Variants in BOC observed in about 807,000 individuals in gnomAD.
BOC encodes the protein brother of CDO.
BOC carries 76 observed loss-of-function variants against 112.0 expected under a neutral mutation model. The observed-to-expected ratio is 0.68, with a 90% CI of 0.56 to 0.82. The LOEUF (loss-of-function observed/expected upper bound fraction) is 0.82. Among genes scored for constraint, BOC ranks in the 40% least tolerant of loss-of-function variants. The pLI, the probability that BOC is intolerant of heterozygous loss-of-function variation, is 0.00. For synonymous variants in BOC, 580 were observed against 599.8 expected, an observed-to-expected ratio of 0.97 and a Z score of 0.48; for missense variants, 1,309 against 1,511.7, an observed-to-expected ratio of 0.87 and a Z score of 2.22.
At chr3:113,220,863 A>C (rs1045465607) in intron 2 of BOC, among the ~76,000 whole-genome samples, 5 of 152,284 alleles carry the variant, frequency 3.3e-5, no homozygotes, top group Admixed American at 3.3e-4. Flanking sequence ...TTTTTGAGAG[A>C]GGAAGGAACA....
chr3:113,256,199 C>T (rs1452968236), intron 4 of BOC, among the ~76,000 whole-genome samples: 2 of 152,210 alleles, frequency 1.3e-5, no homozygotes, highest in Non-Finnish European at 2.9e-5. Context: ...CCCTGTACTG[C>T]CCAGTTCCAT....
At chr3:113,215,098 G>A (rs541285157) in intron 1 of BOC, among the ~76,000 whole-genome samples, 1 of 152,298 alleles carries the variant, frequency 6.6e-6, no homozygotes, top group South Asian at 2.1e-4. Context: ...CTACTTTGCT[G>A]TTGGTTGGAA....
In BOC at chr3:113,284,393, T is replaced by C. The variant is rs564623717; in HGVS notation, c.2715T>C (p.Thr905=). The C allele has an allele frequency of 1.9e-6, 3 of 1,614,244 alleles. No homozygotes were observed. The highest frequency in any genetic ancestry group is 1.7e-5 in the Admixed American group (1 of 60,032). The change falls in exon 17 of 20, where the codon ACT becomes ACC. Residue 905 remains threonine (T), a synonymous_variant. Coordinates refer to ENST00000682979, the MANE Select transcript of BOC (RefSeq NM_001378074.1). ...CCCTTCCACCCTCCTGCCCGTATAC[T>C]ATGGTGCCATTGGGAGGACTCCCAG... The part of the protein sequence containing the change: ...RSALPPSCPY[T]MVPLGGLPGH...
chr3:113,269,729 C>T, intron 5 of BOC: 1 of 152,174 alleles, frequency 6.6e-6, no homozygotes, highest in East Asian at 1.9e-4. Flanking sequence ...GCATTAATCC[C>T]TGCTGTCCCC....
chr3:113,241,492 A>T (rs1421970237), intron 2 of BOC, among the ~76,000 whole-genome samples: 1 of 151,856 alleles, frequency 6.6e-6, no homozygotes, highest in Non-Finnish European at 1.5e-5. Flanking sequence ...CAGTCCTCAC[A>T]CCTAACCCCA....
At chr3:113,263,664 T>G (rs774901162) in intron 4 of BOC, among the ~76,000 whole-genome samples, 3 of 152,230 alleles carry the variant, frequency 2.0e-5, no homozygotes, top group Non-Finnish European at 2.9e-5. Flanking sequence ...AATTAATATT[T>G]GACAATTTGT....
intron 4 of BOC, among the ~76,000 whole-genome samples, chr3:113,261,004 C>T (rs1243901576): frequency 3.3e-5 from 5 of 152,136 alleles, no homozygotes; most frequent in Admixed American, 3.3e-4. Flanking sequence ...CTCACATATA[C>T]CTCAAGGGGC....
intron 2 of BOC, among the ~76,000 whole-genome samples, chr3:113,236,038 A>G (rs1488846500): frequency 6.6e-6 from 1 of 151,806 alleles, no homozygotes; most frequent in Non-Finnish European, 1.5e-5. Context: ...GAAGTATCAT[A>G]TGATCCAGCA....
chr3:113,280,844 A>T (rs1949125462), intron 14 of BOC, among the ~76,000 whole-genome samples, 181 bp downstream of exon 14: 1 of 152,138 alleles, frequency 6.6e-6, no homozygotes, highest in South Asian at 2.1e-4. Flanking sequence ...TCATGAACCC[A>T]TGTGATGATG....
chr3:113,251,205 C>G (rs2107412658), intron 4 of BOC: 6 of 457,050 alleles, frequency 1.3e-5, no homozygotes, highest in Non-Finnish European at 1.9e-5. Context: ...CACACACCTT[C>G]CAGTCCCCTC....
In BOC at chr3:113,250,846, C is replaced by T. The variant is rs1468337053; in HGVS notation, c.376+13C>T. The T allele has an allele frequency of 6.2e-7, 1 of 1,612,400 alleles. No homozygotes were observed. The highest frequency in any genetic ancestry group is 8.5e-7 in the Non-Finnish European group (1 of 1,179,998). ...GTGACACTAGCCAGTGAGTCTGCTC[C>T]TTTGCCTCCCTGCCATGGTGCGGTC... On this transcript the variant is annotated intron_variant, in intron 4 of 19. Coordinates refer to ENST00000682979, the MANE Select transcript of BOC (RefSeq NM_001378074.1).
At chr3:113,270,591 T>C in intron 5 of BOC, 1 of 545,646 alleles carries the variant, frequency 1.8e-6, no homozygotes, top group Non-Finnish European at 3.1e-6. Context: ...GTTAGTTACC[T>C]TTTCTCTCTG....
At chr3:113,280,143 G>A (rs1559884672) in intron 13 of BOC, 138 bp downstream of exon 13, 18 of 915,540 alleles carry the variant, frequency 2.0e-5, no homozygotes, top group Middle Eastern at 3.4e-4. Flanking sequence ...CTTAGTGGCT[G>A]GAGCTGCTCT....
intron 4 of BOC, among the ~76,000 whole-genome samples, chr3:113,264,299 G>A (rs551020703): frequency 6.6e-6 from 1 of 152,322 alleles, no homozygotes; most frequent in East Asian, 1.9e-4. Flanking sequence ...AGAAGGGTGC[G>A]AGGGGAGGGA....
chr3:113,269,024 G>A (rs1383218779), intron 5 of BOC, among the ~76,000 whole-genome samples: 1 of 152,196 alleles, frequency 6.6e-6, no homozygotes, highest in Non-Finnish European at 1.5e-5. Flanking sequence ...CTGAGATGCT[G>A]CTGTTCCATC....
intron 6 of BOC, 77 bp downstream of exon 6, chr3:113,271,021 T>C (rs769267966): frequency 6.3e-7 from 1 of 1,591,716 alleles, no homozygotes; most frequent in African/African-American, 1.3e-5. Context: ...GGGAGGTAGA[T>C]ACCTGGAGGT....
chr3:113,261,518 A>G (rs1946876005), intron 4 of BOC, among the ~76,000 whole-genome samples: 1 of 152,194 alleles, frequency 6.6e-6, no homozygotes, highest in Non-Finnish European at 1.5e-5. Flanking sequence ...GATGGTCTAC[A>G]GACCAGACAT....
intron 2 of BOC, among the ~76,000 whole-genome samples, chr3:113,234,359 A>G (rs1384603822): frequency 2.0e-5 from 3 of 152,120 alleles, no homozygotes; most frequent in Non-Finnish European, 1.5e-5. Context: ...GTGTGTGTGT[A>G]TGTGTGCACA....
At chr3:113,267,804 T>G (rs1947657078) in intron 4 of BOC, among the ~76,000 whole-genome samples, 1 of 152,222 alleles carries the variant, frequency 6.6e-6, no homozygotes, top group African/African-American at 2.4e-5. Context: ...CTCGGCTCAC[T>G]GCAAGCTCTG....
Sources: allele counts gnomAD v4.1 joint callset (sites outside exome capture counted in the v4.1 genomes callset), GRCh38; gene constraint gnomAD v4.1.1; transcripts MANE v1.5; gene names NCBI Gene and HGNC (gene_info 2026-07-23, HGNC 2026-07-21).